SGCZ: variants seen among roughly 807,000 people sequenced by gnomAD.
SGCZ encodes zeta-sarcoglycan.
Under a neutral mutation model 41.3 loss-of-function variants are expected in SGCZ, and 40 were observed. The ratio of observed to expected loss-of-function variants is 0.97; its 90% CI spans 0.75 to 1.26. SGCZ has a LOEUF of 1.26. Ranked by LOEUF, SGCZ falls within the 50% of genes most tolerant of loss-of-function variation. SGCZ has a pLI of 0.00. For synonymous variants in SGCZ, 206 were observed against 137.5 expected (o/e 1.50, Z -3.49); for missense variants, 552 against 369.8 (o/e 1.49, Z -4.04).
At chr8:14,997,885 G>A (rs368834411) in intron 1 of SGCZ, among the ~76,000 whole-genome samples, 6 of 152,220 alleles carry the variant, frequency 3.9e-5, no homozygotes, top group East Asian at 3.9e-4. Context: ...GCTTGAACCC[G>A]GGAGGCGGAG....
In SGCZ at chr8:14,090,476, A is replaced by T; in HGVS notation, c.906T>A (p.Cys302Ter). ...ACAGGCAGATGTTGCTACTGGACTGACAAGTGGAACCTACTCCTGCTGGAG... is the reference window on the plus strand; with the variant it reads ...ACAGGCAGATGTTGCTACTGGACTGTCAAGTGGAACCTACTCCTGCTGGAG... ...YLSPAGVGST[C>*]QSSSNICLWS Residue 302 changes from cysteine to a stop codon, truncating the protein, a stop_gained, in exon 8 of 8, where the codon TGT becomes TGA. Coordinates refer to ENST00000382080, the MANE Select transcript of SGCZ (RefSeq NM_139167.4). LOFTEE classifies it high-confidence loss of function. 6.2e-7 allele frequency: 1 copy of T among 1,612,968 alleles called. No homozygotes were observed. The highest frequency in any genetic ancestry group is 8.5e-7 in the Non-Finnish European group (1 of 1,179,320).
chr8:14,623,131 G>C lies in SGCZ; in HGVS notation c.40-68205C>G, dbSNP rs542762867. On this transcript the variant is annotated intron_variant, in intron 1 of 7. Transcript: ENST00000382080. ...TTTGAACTTATCAGTGTATTACCAT[G>C]AAGTATTTTTTAAGATTTAAAAGCA... is the stretch of plus-strand genomic sequence containing the variant. Among the ~76,000 whole-genome samples the C allele has an allele frequency of 3.3e-5, 5 of 152,232 alleles. No homozygotes were observed. The South Asian group carries it at 1.0e-3, about 32-fold the overall frequency.
At chr8:14,276,280 A>G (rs1285440627) in intron 3 of SGCZ, among the ~76,000 whole-genome samples, 1 of 152,180 alleles carries the variant, frequency 6.6e-6, no homozygotes, top group Non-Finnish European at 1.5e-5. Context: ...ACTGAAACTG[A>G]TTAAATGATT....
At chr8:14,151,116 A>G (rs564224983) in intron 5 of SGCZ, among the ~76,000 whole-genome samples, 11 of 152,256 alleles carry the variant, frequency 7.2e-5, no homozygotes, top group South Asian at 4.1e-4. Flanking sequence ...TGATAGCACA[A>G]TAGGGTGACT....
At chr8:14,376,904 G>A (rs576551788) in intron 2 of SGCZ, among the ~76,000 whole-genome samples, 1 of 152,240 alleles carries the variant, frequency 6.6e-6, no homozygotes, top group East Asian at 1.9e-4. Context: ...ATATACCACA[G>A]TGTGATAATA....
intron 1 of SGCZ, among the ~76,000 whole-genome samples, chr8:15,201,334 G>C (rs918004730): frequency 6.6e-6 from 1 of 152,096 alleles, no homozygotes; most frequent in African/African-American, 2.4e-5. Context: ...ATTTCAAAGA[G>C]ACAAGAAGAG....
intron 3 of SGCZ, among the ~76,000 whole-genome samples, chr8:14,256,637 G>C (rs1799475489): frequency 1.3e-5 from 2 of 152,086 alleles, no homozygotes; most frequent in Admixed American, 6.6e-5. Flanking sequence ...TTTTACATTA[G>C]AAAGATGTAG....
intron 1 of SGCZ, among the ~76,000 whole-genome samples, chr8:14,925,019 G>C (rs530938734): frequency 6.6e-6 from 1 of 151,926 alleles, no homozygotes; most frequent in African/African-American, 2.4e-5. Flanking sequence ...CTCAATGCCC[G>C]GCTAATTTTT....
intron 5 of SGCZ, among the ~76,000 whole-genome samples, chr8:14,129,597 C>T (rs977641875): frequency 6.6e-6 from 1 of 151,356 alleles, no homozygotes; most frequent in African/African-American, 2.4e-5. Context: ...ATAAGAACAT[C>T]CATTATAAAA....
intron 2 of SGCZ, among the ~76,000 whole-genome samples, chr8:14,374,867 C>G (rs758171079): frequency 6.6e-6 from 1 of 152,096 alleles, no homozygotes; most frequent in East Asian, 1.9e-4. Flanking sequence ...AGGGTACATC[C>G]TGATGAAGTC....
At chr8:14,656,238 C>T (rs971218367) in intron 1 of SGCZ, among the ~76,000 whole-genome samples, 3 of 151,888 alleles carry the variant, frequency 2.0e-5, no homozygotes, top group Non-Finnish European at 4.4e-5. Flanking sequence ...AGTGTTTCCA[C>T]ATCCTCACCA....
At chr8:15,237,257 C>CCT (rs1321181604) in intron 1 of SGCZ, among the ~76,000 whole-genome samples, 1 of 152,006 alleles carries the variant, frequency 6.6e-6, no homozygotes, top group African/African-American at 2.4e-5. Flanking sequence ...CCGCTGCCCC[C>CCT]CCCGGGGAGA....
intron 3 of SGCZ, among the ~76,000 whole-genome samples, chr8:14,301,227 T>G (rs1408498032): frequency 1.3e-5 from 2 of 152,030 alleles, no homozygotes; most frequent in African/African-American, 4.8e-5. Context: ...TTCCCCAATG[T>G]ATGTATTATT....
intron 5 of SGCZ, among the ~76,000 whole-genome samples, chr8:14,160,433 T>C (rs150824911): frequency 6.6e-6 from 1 of 152,316 alleles, no homozygotes; most frequent in African/African-American, 2.4e-5. Context: ...TCTCAAAAGA[T>C]AATTGAATTA....
intron 1 of SGCZ, among the ~76,000 whole-genome samples, chr8:15,086,350 T>A (rs1284809932): frequency 1.3e-5 from 2 of 152,190 alleles, no homozygotes; most frequent in Admixed American, 1.3e-4. Context: ...ACCATTCGCA[T>A]ACCTTATTCC....
chr8:14,564,882 T>G (rs78374012), intron 1 of SGCZ, among the ~76,000 whole-genome samples: 1,795 of 152,268 alleles, frequency 0.012, 41 homozygotes, highest in African/African-American at 0.041. Context: ...CTATGATACT[T>G]AATGCTCAAA....
At chr8:15,177,302 C>T (rs1293691124) in intron 1 of SGCZ, among the ~76,000 whole-genome samples, 3 of 152,164 alleles carry the variant, frequency 2.0e-5, no homozygotes, top group South Asian at 2.1e-4. Context: ...GGCAGTGGAA[C>T]GTCCCACCTA....
chr8:14,383,366 T>C (rs1461907560), intron 2 of SGCZ, among the ~76,000 whole-genome samples: 1 of 152,232 alleles, frequency 6.6e-6, no homozygotes, highest in Non-Finnish European at 1.5e-5. Flanking sequence ...ACGAAGTTTA[T>C]AATTATGGGA....
chr8:14,821,720 G>A (rs544633050), intron 1 of SGCZ, among the ~76,000 whole-genome samples: 14 of 152,006 alleles, frequency 9.2e-5, no homozygotes, highest in Middle Eastern at 6.8e-3. Flanking sequence ...ACATCCCTAT[G>A]ATCATTTTAA....
Sources: gnomAD v4.1 joint callset for allele counts (sites outside exome capture counted in the v4.1 genomes callset) on GRCh38, gnomAD v4.1.1 for gene constraint, MANE v1.5 for transcripts, NCBI Gene and HGNC (gene_info 2026-07-23, HGNC 2026-07-21) for gene names.